The following ATP8A2 variants were observed in gnomAD, a reference collection of about 807,000 sequenced individuals.
The protein encoded by ATP8A2 is phospholipid-transporting ATPase IB.
A neutral mutation model predicts 165.6 loss-of-function variants in ATP8A2; 100 were observed. The ratio of observed to expected loss-of-function variants is 0.60; its 90% CI spans 0.51 to 0.71. The LOEUF is 0.71. Among genes scored for constraint, ATP8A2 ranks in the 30% least tolerant of loss-of-function variants. The probability of loss-of-function intolerance (pLI) is 0.00; values close to 1 mark genes in which losing one functional copy is unlikely to be tolerated. For missense variants in ATP8A2, 1,227 were observed against 1,479.5 expected (o/e 0.83, Z 2.80); for synonymous variants, 543 against 548.8 (o/e 0.99, Z 0.15).
At chr13:25,677,774 T>C (rs879736789) in intron 24 of ATP8A2, among the ~76,000 whole-genome samples, 3 of 152,160 alleles carry the variant, frequency 2.0e-5, no homozygotes, top group Admixed American at 1.3e-4. Context: ...TTCAGTCTCC[T>C]TTGTCCTCAA....
At chr13:25,670,222 C>T (rs983938537) in intron 24 of ATP8A2, among the ~76,000 whole-genome samples, 1 of 152,198 alleles carries the variant, frequency 6.6e-6, no homozygotes, top group Non-Finnish European at 1.5e-5. Flanking sequence ...CCTACTCCAC[C>T]ATTTTGTATG....
chr13:25,599,803 T>C (rs935635681), intron 24 of ATP8A2, among the ~76,000 whole-genome samples: 1 of 152,192 alleles, frequency 6.6e-6, no homozygotes, highest in Non-Finnish European at 1.5e-5. Context: ...AGTAGCTATT[T>C]TGGTCCTACT....
chr13:25,579,956 A>AC lies in ATP8A2; in HGVS notation c.2007+10dup. ...ACGAGATCATTGAGAAGGTAACCGC[A>AC]CACAATACAGTCTTTTCAGCTCCAT... On this transcript the variant is annotated intron_variant, in intron 22 of 36. Coordinates refer to ENST00000381655, the MANE Select transcript of ATP8A2 (RefSeq NM_016529.6). 1.2e-6 allele frequency: 2 copies of AC among 1,613,822 alleles called. No individual in the cohort carries two copies. The highest frequency in any genetic ancestry group is 1.7e-6 in the Non-Finnish European group (2 of 1,179,844).
At chr13:25,903,491 T>C (rs954249776) in intron 33 of ATP8A2, among the ~76,000 whole-genome samples, 1 of 152,218 alleles carries the variant, frequency 6.6e-6, no homozygotes, top group Non-Finnish European at 1.5e-5. Flanking sequence ...GAATCACTCA[T>C]GTCATTCATT....
chr13:25,953,522 T>A lies in ATP8A2; in HGVS notation c.3184-8053T>A, dbSNP rs772094649. On this transcript the variant is annotated intron_variant, in intron 33 of 36. Coordinates refer to ENST00000381655, the MANE Select transcript of ATP8A2 (RefSeq NM_016529.6). The surrounding 1 kb of genome is among the most constrained non-coding windows in gnomAD (Gnocchi z 6.7). ...GTAGCCCTGGTTACTCCAGCCTTTT[T>A]AAAAAAAAAAAAAAAAAAAAAAAAG... 7.8e-3 allele frequency among the ~76,000 whole-genome samples: 740 copies of A among 94,978 alleles called. 3 individuals carry two copies. The highest frequency in any genetic ancestry group is 0.011 in the Non-Finnish European group (549 of 49,020). The allele number at this position is 94,978 out of a possible 152,430, so 62.3% of individuals were successfully genotyped here. A position where few individuals can be genotyped will look rare whatever the true frequency, so the allele number is the denominator to read the frequency against.
rs1025136278 is a variant in ATP8A2 at position 25,372,734 on chromosome 13, G to A, written c.76+446G>A. On this transcript the variant is annotated intron_variant, in intron 1 of 36. Coordinates refer to ENST00000381655, the MANE Select transcript of ATP8A2 (RefSeq NM_016529.6). This position sits in a 1 kb window ranked among gnomAD's most constrained non-coding sequence, Gnocchi z 4.8. ...TGTGCTGCAGAGCTCAAAAGCAGAGGGGGAAAAAGGCATCCGAAGGGTCCC... is the reference window on the plus strand; with the variant it reads ...TGTGCTGCAGAGCTCAAAAGCAGAGAGGGAAAAAGGCATCCGAAGGGTCCC... Among the ~76,000 whole-genome samples, 1 of 152,232 alleles carries A rather than the reference G, an allele frequency of 6.6e-6. No homozygotes were observed. The highest frequency in any genetic ancestry group is 1.5e-5 in the Non-Finnish European group (1 of 68,032).
chr13:25,385,964 G>C (rs2033027316), intron 1 of ATP8A2, among the ~76,000 whole-genome samples: 1 of 151,004 alleles, frequency 6.6e-6, no homozygotes, highest in Admixed American at 6.6e-5. Flanking sequence ...CCAGGCTGGA[G>C]TGCAGTGGTT....
intron 36 of ATP8A2, among the ~76,000 whole-genome samples, chr13:26,017,872 A>G (rs963489875): frequency 3.9e-5 from 6 of 152,200 alleles, no homozygotes; most frequent in Non-Finnish European, 5.9e-5. Flanking sequence ...AGGGCTCACA[A>G]TGGTCTGGGA....
chr13:25,655,884 T>A (rs2041916756), intron 24 of ATP8A2, among the ~76,000 whole-genome samples: 1 of 152,324 alleles, frequency 6.6e-6, no homozygotes, highest in African/African-American at 2.4e-5. Flanking sequence ...CGTGTGCAAA[T>A]GGGCAGAATG....
intron 28 of ATP8A2, 101 bp from the exon 29 acceptor site, chr13:25,837,062 T>C: frequency 6.9e-7 from 1 of 1,453,788 alleles, no homozygotes; most frequent in Non-Finnish European, 9.3e-7. Flanking sequence ...AGTCTCAGGT[T>C]TGGACTTGAC....
At chr13:25,905,803 A>G (rs1313090878) in intron 33 of ATP8A2, among the ~76,000 whole-genome samples, 1 of 152,210 alleles carries the variant, frequency 6.6e-6, no homozygotes, top group Non-Finnish European at 1.5e-5. Context: ...TCCTGCCTCT[A>G]GAGTGGCCAT....
At chr13:25,754,793 T>C (rs1377412810) in intron 25 of ATP8A2, among the ~76,000 whole-genome samples, 1 of 152,202 alleles carries the variant, frequency 6.6e-6, no homozygotes, top group Non-Finnish European at 1.5e-5. Flanking sequence ...TTATATAAAT[T>C]AGGATTTTAG....
chr13:25,675,380 G>A (rs529641359), intron 24 of ATP8A2, among the ~76,000 whole-genome samples: 62 of 152,158 alleles, frequency 4.1e-4, no homozygotes, highest in African/African-American at 1.1e-3. Context: ...CATTTACGCC[G>A]TCAAAATCAA....
chr13:25,873,245 G>T (rs1193958667), intron 33 of ATP8A2, among the ~76,000 whole-genome samples: 1 of 152,112 alleles, frequency 6.6e-6, no homozygotes, highest in African/African-American at 2.4e-5. Flanking sequence ...TAAAACTTGG[G>T]GACAACTGAG....
rs1293349474 is a variant in ATP8A2, at chr13:25,531,193, TG to T, written c.420+534del. ...TTATATGATATATATATGTTATATA[TG>T]TTATATATGATATATGTTATATATG... On this transcript the variant is annotated intron_variant, in intron 4 of 36. Coordinates refer to ENST00000381655, the MANE Select transcript of ATP8A2 (RefSeq NM_016529.6). Among the ~76,000 whole-genome samples, 351 of 144,080 alleles carry T rather than the reference TG, an allele frequency of 2.4e-3. 4 individuals are homozygous for T. Among genetic ancestry groups the T allele is most frequent in the African/African-American group, 8.4e-3 (330 of 39,090 alleles). The allele number at this position is 144,080 out of a possible 152,430, so 94.5% of individuals were successfully genotyped here. A position where few individuals can be genotyped will look rare whatever the true frequency, so the allele number is the denominator to read the frequency against.
At chr13:25,867,016 T>G (rs1164887580) in intron 33 of ATP8A2, among the ~76,000 whole-genome samples, 2 of 152,206 alleles carry the variant, frequency 1.3e-5, no homozygotes, top group Non-Finnish European at 2.9e-5. Context: ...TGCTTTTCCT[T>G]TAAAGTTCTT....
intron 1 of ATP8A2, among the ~76,000 whole-genome samples, chr13:25,373,949 C>T (rs1566087016): frequency 6.6e-6 from 1 of 152,134 alleles, no homozygotes; most frequent in Non-Finnish European, 1.5e-5. Context: ...ATGTTCTGCC[C>T]AGTGTTGCTG....
intron 24 of ATP8A2, among the ~76,000 whole-genome samples, chr13:25,610,151 G>A (rs893739885): frequency 5.3e-5 from 8 of 151,960 alleles, no homozygotes; most frequent in African/African-American, 1.7e-4. Flanking sequence ...TGTTTTTGTT[G>A]CATTTGCTTT....
At chr13:25,812,676 C>A (rs1950909065) in intron 27 of ATP8A2, among the ~76,000 whole-genome samples, 1 of 151,028 alleles carries the variant, frequency 6.6e-6, no homozygotes, top group African/African-American at 2.4e-5. Context: ...AACAAGTGAT[C>A]AATAAAATAA....
Sources: gnomAD v4.1 joint callset for allele counts (sites outside exome capture counted in the v4.1 genomes callset) on GRCh38, gnomAD v4.1.1 for gene constraint, Gnocchi (gnomAD v3.1) non-coding constraint, MANE v1.5 for transcripts, NCBI Gene and HGNC (gene_info 2026-07-23, HGNC 2026-07-21) for gene names.